DSCAM: variants seen among roughly 807,000 people sequenced by gnomAD.
The protein encoded by DSCAM is cell adhesion molecule DSCAM.
Under a neutral mutation model 217.7 loss-of-function variants are expected in DSCAM, and 47 were observed. The ratio of observed to expected loss-of-function variants is 0.22; its 90% CI spans 0.17 to 0.28. The LOEUF (loss-of-function observed/expected upper bound fraction) is 0.28, where lower values mean the gene tolerates loss of function less well. DSCAM is among the 10% of genes least tolerant of loss of function. The pLI is 1.00. For synonymous variants in DSCAM, 1,056 were observed against 1,015.3 expected, an observed-to-expected ratio of 1.04 and a Z score of -0.76; for missense variants, 2,080 against 2,618.3, an observed-to-expected ratio of 0.79 and a Z score of 4.49.
intron 3 of DSCAM, among the ~76,000 whole-genome samples, chr21:40,482,682 G>A (rs571165723): frequency 1.2e-4 from 19 of 152,306 alleles, no homozygotes; most frequent in South Asian, 2.1e-4. Flanking sequence ...CCTGACAGCA[G>A]AGGGCAATAA....
At chr21:40,715,033 T>C (rs1274092177) in intron 1 of DSCAM, among the ~76,000 whole-genome samples, 3 of 152,168 alleles carry the variant, frequency 2.0e-5, no homozygotes, top group Non-Finnish European at 4.4e-5. Flanking sequence ...TCTTCCATCC[T>C]TCCACCTAGG....
intron 3 of DSCAM, among the ~76,000 whole-genome samples, chr21:40,510,409 A>G (rs1329578533): frequency 6.6e-6 from 1 of 152,232 alleles, no homozygotes; most frequent in East Asian, 1.9e-4. Flanking sequence ...TTTAAATAAT[A>G]AGTTGCTCAA....
intron 3 of DSCAM, among the ~76,000 whole-genome samples, chr21:40,663,069 G>GAGTC (rs76820222): frequency 6.7e-6 from 1 of 148,220 alleles, no homozygotes; most frequent in Admixed American, 6.8e-5. Context: ...GCGCACCTGT[G>GAGTC]TGTATGCCAG....
intron 3 of DSCAM, among the ~76,000 whole-genome samples, chr21:40,394,872 T>TACAG (rs1196713776): frequency 3.3e-5 from 5 of 152,156 alleles, no homozygotes; most frequent in Non-Finnish European, 7.4e-5. Context: ...AGGATAGAAA[T>TACAG]ACAGACAGTC....
chr21:40,774,484 C>T (rs1271189337), intron 1 of DSCAM, among the ~76,000 whole-genome samples: 1 of 152,224 alleles, frequency 6.6e-6, no homozygotes, highest in Non-Finnish European at 1.5e-5. Context: ...TTCTTTGTTG[C>T]CTGGCCATGT....
At chr21:40,636,838 C>G (rs1482953155) in intron 3 of DSCAM, among the ~76,000 whole-genome samples, 1 of 149,552 alleles carries the variant, frequency 6.7e-6, no homozygotes, top group African/African-American at 2.5e-5. Context: ...AAAATAAACG[C>G]ACCTGTCATC....
intron 3 of DSCAM, among the ~76,000 whole-genome samples, chr21:40,443,083 C>T (rs536112308): frequency 5.9e-5 from 9 of 152,312 alleles, no homozygotes; most frequent in African/African-American, 2.2e-4. Context: ...TGTTTGCTCT[C>T]ACACCTGTGG....
chr21:40,075,883 G>A (rs1010609917), intron 26 of DSCAM, among the ~76,000 whole-genome samples: 4 of 152,162 alleles, frequency 2.6e-5, no homozygotes, highest in African/African-American at 9.7e-5. Flanking sequence ...AGGAAACACT[G>A]AAGGAAGATG....
At chr21:40,076,186 G>A (rs2089363417) in intron 26 of DSCAM, among the ~76,000 whole-genome samples, 1 of 152,100 alleles carries the variant, frequency 6.6e-6, no homozygotes. Flanking sequence ...CTCTGCTAAA[G>A]CTGAGAAGAG....
intron 2 of DSCAM, among the ~76,000 whole-genome samples, chr21:40,702,637 G>A (rs1164958615): frequency 3.3e-5 from 5 of 151,698 alleles, no homozygotes; most frequent in East Asian, 1.9e-4. Context: ...ATATTGATAC[G>A]GTTAGGTTTA....
chr21:40,041,302 A>C (rs1010322524), intron 32 of DSCAM, among the ~76,000 whole-genome samples: 2 of 152,204 alleles, frequency 1.3e-5, no homozygotes, highest in Non-Finnish European at 2.9e-5. Flanking sequence ...CAACTATTTC[A>C]GGGTGAAAAA....
intron 3 of DSCAM, among the ~76,000 whole-genome samples, chr21:40,484,069 G>A (rs2076004955): frequency 6.6e-6 from 1 of 152,206 alleles, no homozygotes; most frequent in Admixed American, 6.5e-5. Context: ...GTTAGACAAG[G>A]TTCTTGCTTT....
At chr21:40,548,517 T>TATAG (rs2076603354) in intron 3 of DSCAM, among the ~76,000 whole-genome samples, 1 of 150,600 alleles carries the variant, frequency 6.6e-6, no homozygotes, top group Non-Finnish European at 1.5e-5. Context: ...AAAAAAAATA[T>TATAG]ATATATGTAC....
chr21:40,166,598 T>C (rs2090597253), intron 16 of DSCAM, among the ~76,000 whole-genome samples: 1 of 152,242 alleles, frequency 6.6e-6, no homozygotes, highest in Non-Finnish European at 1.5e-5. Context: ...TGAAACGATG[T>C]GCTTAGTGAT....
At chr21:40,525,014 A>AAAAAAAAAAAAAAAC (rs2076389592) in intron 3 of DSCAM, among the ~76,000 whole-genome samples, 1 of 151,306 alleles carries the variant, frequency 6.6e-6, no homozygotes, top group Non-Finnish European at 1.5e-5. Context: ...AGTCTCAAAA[A>AAAAAAAAAAAAAAAC]AAAAAAAAAA....
At chr21:40,063,486 G>GA (rs900334458) in intron 27 of DSCAM, among the ~76,000 whole-genome samples, 71 of 148,600 alleles carry the variant, frequency 4.8e-4, no homozygotes, top group East Asian at 1.6e-3. Flanking sequence ...AAAAGTGTAG[G>GA]AAAAAAAAAA....
chr21:40,118,848 C>T (rs1340485065), intron 20 of DSCAM, among the ~76,000 whole-genome samples: 1 of 152,178 alleles, frequency 6.6e-6, no homozygotes, highest in East Asian at 1.9e-4. Flanking sequence ...AGAAGGGTGA[C>T]ATTGTCTAGT....
At chr21:40,376,615 AGATATC>A (rs1320301155) in intron 3 of DSCAM, among the ~76,000 whole-genome samples, 23 of 132,064 alleles carry the variant, frequency 1.7e-4, no homozygotes, top group African/African-American at 4.8e-4. Flanking sequence ...TATCTTATAT[AGATATC>A]GATATCTATA....
intron 29 of DSCAM, among the ~76,000 whole-genome samples, chr21:40,054,002 T>C (rs943410765): frequency 2.0e-5 from 3 of 152,230 alleles, no homozygotes; most frequent in Non-Finnish European, 2.9e-5. Flanking sequence ...ACTTTTCCTA[T>C]GTTGGCTGGA....
Sources: gnomAD v4.1 joint callset for allele counts (sites outside exome capture counted in the v4.1 genomes callset) on GRCh38, gnomAD v4.1.1 for gene constraint, MANE v1.5 for transcripts, NCBI Gene and HGNC (gene_info 2026-07-23, HGNC 2026-07-21) for gene names.